Variants in GHR observed in about 807,000 individuals in gnomAD.
GHR encodes GH receptor.
GHR carries 35 observed loss-of-function variants against 67.1 expected under a neutral mutation model. The ratio of observed to expected loss-of-function variants is 0.52; its 90% confidence interval spans 0.40 to 0.69. The LOEUF (loss-of-function observed/expected upper bound fraction) is 0.69, where lower values mean the gene tolerates loss of function less well. GHR is among the 30% of genes least tolerant of loss of function. GHR has a pLI of 0.00. For missense variants in GHR, 792 were observed against 764.6 expected (o/e 1.04, Z -0.42); for synonymous variants, 272 against 269.1 (o/e 1.01, Z -0.10).
At chr5:42,599,303 C>CTGAT (rs1752240221) in intron 2 of GHR, among the ~76,000 whole-genome samples, 1 of 151,054 alleles carries the variant, frequency 6.6e-6, no homozygotes, top group Non-Finnish European at 1.5e-5. Context: ...AAGTCATAAA[C>CTGAT]TGATATCCGT....
chr5:42,640,766 A>G (rs1006640980), intron 3 of GHR, among the ~76,000 whole-genome samples: 15 of 151,114 alleles, frequency 9.9e-5, no homozygotes, highest in South Asian at 2.1e-4. Flanking sequence ...CATATCATAT[A>G]TGTGTGTGTG....
intron 2 of GHR, among the ~76,000 whole-genome samples, chr5:42,576,054 TA>T (rs1272476839): frequency 4.0e-5 from 2 of 50,488 alleles, no homozygotes; most frequent in African/African-American, 2.9e-4. Context: ...AATAATAAAA[TA>T]AAATAAAATA....
At chr5:42,473,575 G>C (rs1467342228) in intron 1 of GHR, among the ~76,000 whole-genome samples, 1 of 152,122 alleles carries the variant, frequency 6.6e-6, no homozygotes, top group Non-Finnish European at 1.5e-5. Flanking sequence ...AAATTAGAAA[G>C]GTCTATTGAA....
intron 2 of GHR, among the ~76,000 whole-genome samples, chr5:42,617,182 T>C (rs1234110716): frequency 1.3e-5 from 2 of 151,802 alleles, no homozygotes; most frequent in African/African-American, 4.8e-5. Context: ...TGAAATGGTG[T>C]TGGGGGCCCA....
chr5:42,608,604 A>G (rs912125700), intron 2 of GHR, among the ~76,000 whole-genome samples: 1 of 152,174 alleles, frequency 6.6e-6, no homozygotes, highest in Admixed American at 6.5e-5. Flanking sequence ...TTGTTGTCAA[A>G]GAAGATTGAA....
At chr5:42,524,192 A>G (rs1304058898) in intron 1 of GHR, among the ~76,000 whole-genome samples, 1 of 152,196 alleles carries the variant, frequency 6.6e-6, no homozygotes, top group Non-Finnish European at 1.5e-5. Flanking sequence ...AAGACAGGAA[A>G]ATGTGGGAAA....
At chr5:42,706,734 A>G (rs1435459632) in intron 6 of GHR, among the ~76,000 whole-genome samples, 2 of 151,972 alleles carry the variant, frequency 1.3e-5, no homozygotes, top group Admixed American at 6.6e-5. Flanking sequence ...GTTCTGTTCC[A>G]TTGATCTATG....
intron 1 of GHR, among the ~76,000 whole-genome samples, chr5:42,446,772 A>G (rs1447911515): frequency 6.6e-6 from 1 of 152,254 alleles, no homozygotes; most frequent in Non-Finnish European, 1.5e-5. Context: ...TTGAGATGTC[A>G]GTATAACACA....
chr5:42,635,201 C>G (rs1392088461), intron 3 of GHR, among the ~76,000 whole-genome samples: 1 of 152,084 alleles, frequency 6.6e-6, no homozygotes, highest in Admixed American at 6.6e-5. Flanking sequence ...TCTCTTGTAC[C>G]CAACCTAGTG....
At chr5:42,696,141 A>C (rs575256044) in intron 5 of GHR, among the ~76,000 whole-genome samples, 2 of 152,358 alleles carry the variant, frequency 1.3e-5, no homozygotes, top group East Asian at 3.9e-4. Context: ...GTTAAAACCC[A>C]TGTTCTAGCC....
intron 1 of GHR, among the ~76,000 whole-genome samples, chr5:42,498,761 G>A (rs576693569): frequency 2.8e-4 from 43 of 152,306 alleles, no homozygotes; most frequent in Non-Finnish European, 5.6e-4. Context: ...ATCTCTGCAA[G>A]GGAACCTGGA....
chr5:42,555,912 AG>A (rs1364418035), intron 1 of GHR, among the ~76,000 whole-genome samples: 6 of 152,154 alleles, frequency 3.9e-5, no homozygotes, highest in Non-Finnish European at 8.8e-5. Flanking sequence ...AAATTTTAGA[AG>A]GGTGTTCAGG....
At chr5:42,448,215 C>T (rs1388047187) in intron 1 of GHR, among the ~76,000 whole-genome samples, 1 of 152,058 alleles carries the variant, frequency 6.6e-6, no homozygotes, top group African/African-American at 2.4e-5. Context: ...CCACCAGTAG[C>T]GTAAAAGGGT....
At chr5:42,631,973 G>T (rs1237635088) in intron 3 of GHR, among the ~76,000 whole-genome samples, 1 of 152,040 alleles carries the variant, frequency 6.6e-6, no homozygotes, top group Non-Finnish European at 1.5e-5. Flanking sequence ...CTACCAGTCA[G>T]TGCAGTGCAG....
At chr5:42,686,588 C>G (rs1047104319) in intron 3 of GHR, among the ~76,000 whole-genome samples, 1 of 152,164 alleles carries the variant, frequency 6.6e-6, no homozygotes, top group Non-Finnish European at 1.5e-5. Flanking sequence ...ACATGATTAT[C>G]TCAATAGATG....
intron 1 of GHR, among the ~76,000 whole-genome samples, chr5:42,479,709 T>C (rs1328558146): frequency 2.0e-5 from 3 of 152,216 alleles, no homozygotes; most frequent in Admixed American, 2.0e-4. Flanking sequence ...GTAGTTTGTA[T>C]TTCTGTGGGA....
intron 2 of GHR, among the ~76,000 whole-genome samples, chr5:42,586,040 A>G (rs1751457440): frequency 6.6e-6 from 1 of 152,244 alleles, no homozygotes. Flanking sequence ...AGGATTAAAT[A>G]AGTTAATACA....
intron 6 of GHR, among the ~76,000 whole-genome samples, chr5:42,704,902 C>CT (rs906051911): frequency 6.6e-6 from 1 of 151,748 alleles, no homozygotes; most frequent in Non-Finnish European, 1.5e-5. Context: ...TGGGCTTTCT[C>CT]TTTTTTTATT....
intron 1 of GHR, among the ~76,000 whole-genome samples, chr5:42,541,119 T>C (rs1340652393): frequency 6.6e-6 from 1 of 152,220 alleles, no homozygotes; most frequent in East Asian, 1.9e-4. Context: ...TTTCCTGCTA[T>C]TGTACATGCC....
Sources: allele counts gnomAD v4.1 joint callset (sites outside exome capture counted in the v4.1 genomes callset), GRCh38; gene constraint gnomAD v4.1.1; transcripts MANE v1.5; gene names NCBI Gene and HGNC (gene_info 2026-07-23, HGNC 2026-07-21).